FNDC3A: variants seen among roughly 807,000 people sequenced by gnomAD.
FNDC3A encodes the protein fibronectin type III domain containing 3A.
Under a neutral mutation model 148.9 loss-of-function variants are expected in FNDC3A, and 32 were observed. The observed-to-expected ratio is 0.21, with a 90% CI of 0.16 to 0.29. The LOEUF is 0.29. Ranked by LOEUF, FNDC3A falls within the 10% of genes least tolerant of loss-of-function variation. The probability of loss-of-function intolerance (pLI) is 1.00; values close to 1 mark genes in which losing one functional copy is unlikely to be tolerated. For synonymous variants in FNDC3A, 472 were observed against 473.6 expected, an observed-to-expected ratio of 1.00 and a Z score of 0.04; for missense variants, 1,191 against 1,452.8, an observed-to-expected ratio of 0.82 and a Z score of 2.93.
At chr13:49,115,198 T>TAAAAAAAAAAAA (rs11450075) in intron 4 of FNDC3A, among the ~76,000 whole-genome samples, 49 of 140,370 alleles carry the variant, frequency 3.5e-4, no homozygotes, top group African/African-American at 1.2e-3. Context: ...GGGGGGGAAA[T>TAAAAAAAAAAAA]AAAAAAAAAA....
At chr13:49,144,041 A>C (rs1189186487) in intron 7 of FNDC3A, among the ~76,000 whole-genome samples, 7 of 148,210 alleles carry the variant, frequency 4.7e-5, no homozygotes, top group East Asian at 4.0e-4. Flanking sequence ...ACTAATAATA[A>C]TAATAATAAT....
chr13:49,184,512 C>CA (rs1885463553), intron 14 of FNDC3A, among the ~76,000 whole-genome samples: 1 of 152,122 alleles, frequency 6.6e-6, no homozygotes, highest in African/African-American at 2.4e-5. Context: ...AGAGAAGAAT[C>CA]AAGGATGTCT....
intron 3 of FNDC3A, among the ~76,000 whole-genome samples, chr13:49,098,478 C>G: frequency 6.6e-6 from 1 of 152,088 alleles, no homozygotes; most frequent in African/African-American, 2.4e-5. Context: ...TAGGCTGATA[C>G]TAAAAATAGT....
chr13:49,013,503 C>T lies in FNDC3A; in HGVS notation c.99+7214C>T, dbSNP rs374130286. Among the ~76,000 whole-genome samples, 73 of 148,270 alleles carry T rather than the reference C, an allele frequency of 4.9e-4. 1 individual carries two copies. The highest frequency in any genetic ancestry group is 6.3e-4 in the Non-Finnish European group (42 of 66,364). On this transcript the variant is annotated intron_variant, in intron 2 of 25. Coordinates refer to ENST00000492622, the MANE Select transcript of FNDC3A (RefSeq NM_001079673.2). ...GTATACATGTATATACATGTACATG[C>T]GTATACATATGTACACGTGTATACA...
chr13:49,058,791 A>G (rs1291021831), intron 2 of FNDC3A, among the ~76,000 whole-genome samples: 1 of 152,196 alleles, frequency 6.6e-6, no homozygotes, highest in Non-Finnish European at 1.5e-5. Flanking sequence ...TTCATCTTTT[A>G]GTATGTTGTC....
intron 23 of FNDC3A, among the ~76,000 whole-genome samples, chr13:49,201,519 G>A (rs941433379): frequency 1.2e-4 from 18 of 152,130 alleles, no homozygotes; most frequent in African/African-American, 3.9e-4. Flanking sequence ...AAGCTAAACC[G>A]GAAGCCTGAG....
chr13:49,092,062 T>C (rs752660973), intron 3 of FNDC3A, among the ~76,000 whole-genome samples: 12 of 152,330 alleles, frequency 7.9e-5, no homozygotes, highest in Middle Eastern at 6.8e-3. Context: ...TAGAGGTCTT[T>C]GCTGTGATTC....
chr13:49,027,354 C>T (rs976012321), intron 2 of FNDC3A, among the ~76,000 whole-genome samples: 23 of 152,234 alleles, frequency 1.5e-4, no homozygotes, highest in African/African-American at 2.2e-4. Context: ...GCTTTTCCAA[C>T]GCTGTCTCCT....
chr13:49,197,679 T>A, intron 20 of FNDC3A, 46 bp from the exon 21 acceptor site: 1 of 1,542,378 alleles, frequency 6.5e-7, no homozygotes. Flanking sequence ...AAAAGCTATT[T>A]AATCAACATC....
At chr13:49,151,881 A>G (rs1883319711) in intron 8 of FNDC3A, among the ~76,000 whole-genome samples, 5 of 152,194 alleles carry the variant, frequency 3.3e-5, no homozygotes, top group Admixed American at 2.6e-4. Context: ...TTCCAGCCTC[A>G]TCCATGTGCC....
At chr13:49,181,224 A>G (rs150401812) in intron 14 of FNDC3A, among the ~76,000 whole-genome samples, 210 of 152,328 alleles carry the variant, frequency 1.4e-3, no homozygotes, top group African/African-American at 4.7e-3. Flanking sequence ...GAGGTTGGAG[A>G]TGGGAAAACA....
intron 2 of FNDC3A, among the ~76,000 whole-genome samples, chr13:49,019,265 G>A (rs576425589): frequency 2.6e-5 from 4 of 152,378 alleles, no homozygotes; most frequent in South Asian, 4.1e-4. Context: ...CTCCGTGGGC[G>A]TAGGACCCTC....
chr13:49,105,762 C>G (rs1218027425), intron 3 of FNDC3A, among the ~76,000 whole-genome samples: 3 of 152,018 alleles, frequency 2.0e-5, no homozygotes, highest in Non-Finnish European at 4.4e-5. Flanking sequence ...TTCCACTGCC[C>G]ATATACTTAA....
chr13:48,998,083 A>G (rs1417994238), intron 1 of FNDC3A, among the ~76,000 whole-genome samples: 1 of 152,172 alleles, frequency 6.6e-6, no homozygotes, highest in Non-Finnish European at 1.5e-5. Context: ...GAGGTCTCAG[A>G]TGGAAATGAG....
intron 2 of FNDC3A, among the ~76,000 whole-genome samples, chr13:49,012,728 A>G (rs1952377240): frequency 6.6e-6 from 1 of 151,302 alleles, no homozygotes; most frequent in Non-Finnish European, 1.5e-5. Flanking sequence ...GAAGTTTTAT[A>G]ATTTTTCCCA....
chr13:49,004,367 A>G (rs1952181996), intron 1 of FNDC3A, among the ~76,000 whole-genome samples: 1 of 152,112 alleles, frequency 6.6e-6, no homozygotes, highest in African/African-American at 2.4e-5. Flanking sequence ...TGGCCATACA[A>G]TAAACCAATT....
At chr13:49,128,523 A>G (rs1379455109) in intron 4 of FNDC3A, among the ~76,000 whole-genome samples, 2 of 152,078 alleles carry the variant, frequency 1.3e-5, no homozygotes, top group Non-Finnish European at 2.9e-5. Context: ...CCGAGTTGTG[A>G]CAACTATAAA....
At chr13:49,052,706 A>G (rs1228393766) in intron 2 of FNDC3A, among the ~76,000 whole-genome samples, 1 of 152,068 alleles carries the variant, frequency 6.6e-6, no homozygotes, top group Non-Finnish European at 1.5e-5. Flanking sequence ...TCCTATAGGG[A>G]GGATGCAAAC....
intron 4 of FNDC3A, among the ~76,000 whole-genome samples, chr13:49,128,310 C>T (rs1216966233): frequency 6.6e-6 from 1 of 152,166 alleles, no homozygotes; most frequent in African/African-American, 2.4e-5. Flanking sequence ...CTGCTTTTGT[C>T]TTTGCCTCCC....
Sources: allele counts gnomAD v4.1 joint callset (sites outside exome capture counted in the v4.1 genomes callset), GRCh38; gene constraint gnomAD v4.1.1; transcripts MANE v1.5; gene names NCBI Gene and HGNC (gene_info 2026-07-23, HGNC 2026-07-21).